PPP2R1A: variants seen among roughly 807,000 people sequenced by gnomAD.
PPP2R1A encodes protein phosphatase 2 scaffold subunit Aalpha, also known as serine/threonine-protein phosphatase 2A 65 kDa regulatory subunit A alpha isoform.
PPP2R1A carries 15 observed loss-of-function variants against 67.1 expected under a neutral mutation model. The ratio of observed to expected loss-of-function variants is 0.22; its 90% CI spans 0.15 to 0.34. The LOEUF (loss-of-function observed/expected upper bound fraction) is 0.34, where lower values mean the gene tolerates loss of function less well. PPP2R1A is among the 10% of genes least tolerant of loss of function. The pLI, the probability that PPP2R1A is intolerant of heterozygous loss-of-function variation, is 1.00. For missense variants in PPP2R1A, 369 were observed against 775.0 expected (o/e 0.48, Z 6.22); for synonymous variants, 337 against 325.0 (o/e 1.04, Z -0.40).
intron 3 of PPP2R1A, among the ~76,000 whole-genome samples, chr19:52,208,496 CTT>C (rs2089630440): frequency 6.7e-6 from 1 of 150,278 alleles, no homozygotes; most frequent in Admixed American, 6.6e-5. Flanking sequence ...GTCAGCAGCT[CTT>C]TTTATTTTTA....
chr19:52,206,156 C>T lies in PPP2R1A; in HGVS notation c.270+93C>T, dbSNP rs1410000800. ...GCAGGGAGGGGAGCGTGTCAGAGAG[C>T]GTGGGGATCACGTCAGAACAGCCGG... On this transcript the variant is annotated intron_variant, in intron 3 of 14. Transcript: ENST00000322088. The T allele has an allele frequency of 3.8e-5, 43 of 1,130,644 alleles. No homozygotes were observed. In the Admixed American group the frequency reaches 4.3e-4, roughly 11 times the overall value. The allele number at this position is 1,130,644 out of a possible 1,614,324, so 70.0% of individuals were successfully genotyped here.
At chr19:52,195,234 G>A (rs1488626470) in intron 1 of PPP2R1A, among the ~76,000 whole-genome samples, 1 of 152,142 alleles carries the variant, frequency 6.6e-6, no homozygotes, top group African/African-American at 2.4e-5. Context: ...CACAGAGCAG[G>A]CTCTGTGCCG....
intron 1 of PPP2R1A, among the ~76,000 whole-genome samples, chr19:52,194,053 C>T (rs951479360): frequency 1.0e-4 from 12 of 118,234 alleles, no homozygotes; most frequent in African/African-American, 2.9e-4. Context: ...ATCGAGGCTG[C>T]GGTGAGAGCC....
intron 3 of PPP2R1A, among the ~76,000 whole-genome samples, chr19:52,208,663 C>A (rs1295159086): frequency 6.6e-6 from 1 of 152,128 alleles, no homozygotes; most frequent in Non-Finnish European, 1.5e-5. Flanking sequence ...CCATGCCTGG[C>A]TAATTTTTGT....
chr19:52,222,704 C>T (rs1230326972), intron 13 of PPP2R1A, among the ~76,000 whole-genome samples: 3 of 152,284 alleles, frequency 2.0e-5, no homozygotes, highest in South Asian at 4.1e-4. Context: ...GGCGAAACCC[C>T]GTCTCTAGTA....
At chr19:52,197,191 C>T (rs889156693) in intron 1 of PPP2R1A, among the ~76,000 whole-genome samples, 2 of 152,164 alleles carry the variant, frequency 1.3e-5, no homozygotes, top group African/African-American at 4.8e-5. Context: ...TATAATATCA[C>T]TATAGTATAT....
intron 1 of PPP2R1A, among the ~76,000 whole-genome samples, chr19:52,196,187 T>C (rs6509626): frequency 0.84 from 125,053 of 149,278 alleles, 51,784 homozygotes; most frequent in African/African-American, 0.92. Context: ...AGATAGTCAG[T>C]GCACAGGGAA....
chr19:52,194,504 C>T (rs758790061), intron 1 of PPP2R1A, among the ~76,000 whole-genome samples: 1 of 152,132 alleles, frequency 6.6e-6, no homozygotes, highest in Non-Finnish European at 1.5e-5. Flanking sequence ...AGGATCCTTC[C>T]TCTGGCTGTC....
rs140259363 is a variant in PPP2R1A at position 52,206,519 on chromosome 19, G to A, written c.270+456G>A. ...GATGTTAACTGCAATTGTCATTATT[G>A]TTGCTGTGACATCATATCCAGCCTT... On this transcript the variant is annotated intron_variant, in intron 3 of 14. Coordinates refer to ENST00000322088, the MANE Select transcript of PPP2R1A (RefSeq NM_014225.6). 4.6e-3 allele frequency among the ~76,000 whole-genome samples: 695 copies of A among 152,296 alleles called. 11 individuals are homozygous for A. Among genetic ancestry groups the A allele is most frequent in the Non-Finnish European group, 2.2e-3 (153 of 68,030 alleles).
chr19:52,212,556 G>C lies in PPP2R1A; in HGVS notation c.504-130G>C. 9.0e-7 allele frequency: 1 copy of C among 1,115,330 alleles called. No homozygotes were observed. The highest frequency in any genetic ancestry group is 1.3e-6 in the Non-Finnish European group (1 of 791,716). The allele number at this position is 1,115,330 out of a possible 1,614,324, so 69.1% of individuals were successfully genotyped here. On this transcript the variant is annotated intron_variant, in intron 4 of 14. Transcript: ENST00000322088. This position sits in a 1 kb window ranked among gnomAD's most constrained non-coding sequence, Gnocchi z 4.1. ...CAGCTCCGTTTCATAGGGCTGGGAA[G>C]ACAGAGAGGGGGTCATCACTTGCCC...
chr19:52,211,243 T>G lies in PPP2R1A; in HGVS notation c.271-17T>G. On this transcript the variant is annotated splice_polypyrimidine_tract_variant and intron_variant, in intron 3 of 14. Coordinates refer to ENST00000322088, the MANE Select transcript of PPP2R1A (RefSeq NM_014225.6). This position sits in a 1 kb window ranked among gnomAD's most constrained non-coding sequence, Gnocchi z 5.3. ...GTGGAGAGGGAGCTGTCCAGTGACTTTGTGTTCTCACCACAGCCACCGCTG... is the reference window on the plus strand; with the variant it reads ...GTGGAGAGGGAGCTGTCCAGTGACTGTGTGTTCTCACCACAGCCACCGCTG... 6.2e-7 allele frequency: 1 copy of G among 1,609,192 alleles called. No individual in the cohort carries two copies. The highest frequency in any genetic ancestry group is 1.1e-5 in the South Asian group (1 of 90,714).
chr19:52,193,827 A>G (rs928874776), intron 1 of PPP2R1A, among the ~76,000 whole-genome samples: 3 of 151,882 alleles, frequency 2.0e-5, no homozygotes, highest in African/African-American at 7.3e-5. Context: ...AAGTGCTGGG[A>G]TTACAGGCAT....
At chr19:52,208,016 G>T (rs865809387) in intron 3 of PPP2R1A, among the ~76,000 whole-genome samples, 1 of 152,138 alleles carries the variant, frequency 6.6e-6, no homozygotes, top group South Asian at 2.1e-4. Context: ...GCTTTGTGTA[G>T]TTTCTTCATT....
chr19:52,203,768 T>C (rs10409046), intron 2 of PPP2R1A, among the ~76,000 whole-genome samples: 2,112 of 152,316 alleles, frequency 0.014, 50 homozygotes, highest in African/African-American at 0.049. Flanking sequence ...TCCCCAGCCC[T>C]GACCACCAGT....
In PPP2R1A at chr19:52,213,204, T is replaced by TG. The variant is rs901487178; in HGVS notation, c.807+96dup. ...GGAGCTGAGGTTTCCATTAGGCCGA[T>TG]GGAACCATTGGGCGTTTGAGCAATA... is the stretch of plus-strand genomic sequence containing the variant. On this transcript the variant is annotated intron_variant, in intron 6 of 14. Transcript: ENST00000322088. This position sits in a 1 kb window ranked among gnomAD's most constrained non-coding sequence, Gnocchi z 4.2. 4.1e-5 allele frequency: 58 copies of TG among 1,406,584 alleles called. No individual in the cohort carries two copies. The African/African-American group carries it at 7.5e-4, about 18-fold the overall frequency. The allele number at this position is 1,406,584 out of a possible 1,614,324, so 87.1% of individuals were successfully genotyped here.
At chr19:52,220,088 G>A (rs1978823289) in intron 10 of PPP2R1A, 101 bp from the exon 11 acceptor site, 1 of 1,367,954 alleles carries the variant, frequency 7.3e-7, no homozygotes, top group Admixed American at 1.7e-5. Flanking sequence ...GAAGTGTCCG[G>A]TCTTTCTAGG....
chr19:52,210,484 C>CTTTTTT (rs112983236), intron 3 of PPP2R1A, among the ~76,000 whole-genome samples: 41 of 126,964 alleles, frequency 3.2e-4, no homozygotes, highest in Non-Finnish European at 4.3e-4. Flanking sequence ...GTTTTCTCTT[C>CTTTTTT]TTTTTTTTTT....
intron 1 of PPP2R1A, among the ~76,000 whole-genome samples, chr19:52,193,334 TG>T (rs1252880396): frequency 3.9e-5 from 6 of 152,242 alleles, no homozygotes; most frequent in Non-Finnish European, 7.3e-5. Flanking sequence ...AGAAGGAACA[TG>T]GGACATGAAA....
intron 1 of PPP2R1A, among the ~76,000 whole-genome samples, chr19:52,195,750 A>C (rs1194484327): frequency 2.6e-5 from 4 of 152,170 alleles, no homozygotes; most frequent in Non-Finnish European, 5.9e-5. Flanking sequence ...AGGGTGAGCT[A>C]TGGGGGAAGG....
Sources: allele counts gnomAD v4.1 joint callset (sites outside exome capture counted in the v4.1 genomes callset), GRCh38; gene constraint gnomAD v4.1.1; non-coding constraint Gnocchi (gnomAD v3.1); transcripts MANE v1.5; gene names NCBI Gene and HGNC (gene_info 2026-07-23, HGNC 2026-07-21).